Variants in MACROD2 observed in about 807,000 individuals in gnomAD.
MACROD2 encodes the protein mono-ADP ribosylhydrolase 2, also known as ADP-ribose glycohydrolase MACROD2.
MACROD2 carries 36 observed loss-of-function variants against 70.4 expected under a neutral mutation model. The observed-to-expected ratio is 0.51, with a 90% CI of 0.39 to 0.68. The LOEUF (loss-of-function observed/expected upper bound fraction) is 0.68, where lower values mean the gene tolerates loss of function less well. MACROD2 is among the 30% of genes least tolerant of loss of function. MACROD2 has a pLI of 0.00. For missense variants in MACROD2, 496 were observed against 538.4 expected, an observed-to-expected ratio of 0.92 and a Z score of 0.78; for synonymous variants, 172 against 178.8, an observed-to-expected ratio of 0.96 and a Z score of 0.30.
chr20:16,039,175 A>G (rs1313644530), intron 15 of MACROD2, among the ~76,000 whole-genome samples: 1 of 151,936 alleles, frequency 6.6e-6, no homozygotes, highest in Admixed American at 6.6e-5. Context: ...GGGGCCTTAC[A>G]ATGCTATTTT....
At chr20:15,995,669 T>A (rs1227913557) in intron 15 of MACROD2, among the ~76,000 whole-genome samples, 6 of 125,746 alleles carry the variant, frequency 4.8e-5, no homozygotes, top group Non-Finnish European at 5.3e-5. Flanking sequence ...TTTTTTTTTT[T>A]AACTTTTTAA....
At chr20:14,002,705 C>T (rs1178023012) in intron 2 of MACROD2, among the ~76,000 whole-genome samples, 1 of 151,770 alleles carries the variant, frequency 6.6e-6, no homozygotes, top group Non-Finnish European at 1.5e-5. Flanking sequence ...AGATTTGCTG[C>T]TTTGGTGGTG....
intron 4 of MACROD2, among the ~76,000 whole-genome samples, chr20:14,664,854 C>T (rs531215553): frequency 2.0e-5 from 3 of 152,210 alleles, no homozygotes; most frequent in Non-Finnish European, 4.4e-5. Context: ...GCTTGCCTAG[C>T]ATCAAAATAG....
intron 8 of MACROD2, among the ~76,000 whole-genome samples, chr20:15,613,726 A>G (rs763662955): frequency 2.0e-5 from 3 of 152,136 alleles, no homozygotes; most frequent in Non-Finnish European, 4.4e-5. Context: ...TGACTTCGAA[A>G]TGTTTGTGGT....
At chr20:14,341,788 T>TGAGA (rs1440119865) in intron 3 of MACROD2, among the ~76,000 whole-genome samples, 7 of 152,230 alleles carry the variant, frequency 4.6e-5, no homozygotes, top group Non-Finnish European at 1.0e-4. Flanking sequence ...TTCATGTAAC[T>TGAGA]GAGAAGTTAA....
At chr20:15,556,678 A>G (rs930532355) in intron 8 of MACROD2, among the ~76,000 whole-genome samples, 17 of 152,230 alleles carry the variant, frequency 1.1e-4, no homozygotes, top group African/African-American at 3.9e-4. Flanking sequence ...AGATATTACC[A>G]AAAAGAATCA....
At chr20:14,297,205 C>T (rs2082435020) in intron 3 of MACROD2, among the ~76,000 whole-genome samples, 1 of 151,788 alleles carries the variant, frequency 6.6e-6, no homozygotes. Flanking sequence ...TTCCCTGAGA[C>T]ACAACAATAT....
chr20:15,548,729 G>T (rs555232330), intron 8 of MACROD2, among the ~76,000 whole-genome samples: 3 of 152,250 alleles, frequency 2.0e-5, no homozygotes, highest in Admixed American at 2.0e-4. Context: ...TTAAGCAGAA[G>T]TAGGGCTATG....
At chr20:15,285,791 T>C (rs2077485575) in intron 6 of MACROD2, among the ~76,000 whole-genome samples, 1 of 152,196 alleles carries the variant, frequency 6.6e-6, no homozygotes, top group South Asian at 2.1e-4. Context: ...TTTGTCAATA[T>C]ATTCTGTTTA....
intron 3 of MACROD2, among the ~76,000 whole-genome samples, chr20:14,286,257 TTC>T (rs1353770768): frequency 6.6e-6 from 1 of 152,182 alleles, no homozygotes. Flanking sequence ...AAGTCTTTTT[TTC>T]TCTCTCAGAA....
intron 12 of MACROD2, among the ~76,000 whole-genome samples, chr20:15,939,434 G>A (rs967283953): frequency 6.6e-6 from 1 of 151,970 alleles, no homozygotes; most frequent in Admixed American, 6.6e-5. Flanking sequence ...TCTGTAAATG[G>A]CACAACAAAG....
chr20:14,521,515 G>T (rs1057500875), intron 4 of MACROD2, among the ~76,000 whole-genome samples: 5 of 152,112 alleles, frequency 3.3e-5, no homozygotes, highest in African/African-American at 1.2e-4. Flanking sequence ...GTAAGCATTT[G>T]CACAGTGATG....
chr20:15,428,287 G>A lies in MACROD2; in HGVS notation c.541-3118G>A, dbSNP rs533367981. On this transcript the variant is annotated intron_variant, in intron 6 of 17. Transcript: ENST00000684519. ...GAAGGACACCAAGATGTGAATTAAA[G>A]TGGGCCATCTTGTTGAAAACATTTT... 7.5e-4 allele frequency among the ~76,000 whole-genome samples: 115 copies of A among 152,334 alleles called. 3 individuals carry two copies. In the South Asian group the frequency reaches 0.022, roughly 30 times the overall value.
chr20:15,333,111 G>C (rs536558622), intron 6 of MACROD2, among the ~76,000 whole-genome samples: 1 of 151,524 alleles, frequency 6.6e-6, no homozygotes, highest in Non-Finnish European at 1.5e-5. Flanking sequence ...TATTTACCTA[G>C]AGCAATGGTT....
chr20:14,420,435 A>C (rs577630660), intron 3 of MACROD2, among the ~76,000 whole-genome samples: 1 of 152,212 alleles, frequency 6.6e-6, no homozygotes, highest in Non-Finnish European at 1.5e-5. Flanking sequence ...AGTGATATCT[A>C]ATTGAAATTT....
At chr20:14,593,660 A>G (rs979545759) in intron 4 of MACROD2, among the ~76,000 whole-genome samples, 8 of 152,226 alleles carry the variant, frequency 5.3e-5, no homozygotes, top group Admixed American at 3.9e-4. Context: ...ATGCATTATT[A>G]AAAAGATATT....
intron 4 of MACROD2, among the ~76,000 whole-genome samples, chr20:14,671,846 G>T (rs541366533): frequency 6.6e-6 from 1 of 152,296 alleles, no homozygotes; most frequent in African/African-American, 2.4e-5. Context: ...TCTTAGAGAT[G>T]TTTCTTCTGC....
chr20:14,078,770 A>T (rs900626890), intron 2 of MACROD2, among the ~76,000 whole-genome samples: 2 of 152,206 alleles, frequency 1.3e-5, no homozygotes, highest in Non-Finnish European at 2.9e-5. Flanking sequence ...GGAAAATGTC[A>T]AAGGATTTTT....
At chr20:15,661,586 C>T (rs1200091918) in intron 8 of MACROD2, among the ~76,000 whole-genome samples, 2 of 152,146 alleles carry the variant, frequency 1.3e-5, no homozygotes, top group Non-Finnish European at 2.9e-5. Context: ...CAGTAGGACC[C>T]ACTTTTCTAC....
Sources: allele counts gnomAD v4.1 joint callset (sites outside exome capture counted in the v4.1 genomes callset), GRCh38; gene constraint gnomAD v4.1.1; transcripts MANE v1.5; gene names NCBI Gene and HGNC (gene_info 2026-07-23, HGNC 2026-07-21).